Variants in API5 observed in about 807,000 individuals in gnomAD.
API5 encodes the protein FIF.
In API5, 6 loss-of-function variants were observed where a neutral mutation model predicts 71.9. That is an observed-to-expected ratio of 0.08 (90% CI 0.05 to 0.16). The LOEUF (loss-of-function observed/expected upper bound fraction) is 0.16, where lower values mean the gene tolerates loss of function less well. Among genes scored for constraint, API5 ranks in the 10% least tolerant of loss-of-function variants. The pLI, the probability that API5 is intolerant of heterozygous loss-of-function variation, is 1.00. For missense variants in API5, 332 were observed against 612.8 expected, an observed-to-expected ratio of 0.54 and a Z score of 4.84; for synonymous variants, 189 against 221.3, an observed-to-expected ratio of 0.85 and a Z score of 1.30.
At chr11:43,332,091 A>G (rs2134371499) in intron 11 of API5, 1 of 152,358 alleles carries the variant, frequency 6.6e-6, no homozygotes, top group South Asian at 2.1e-4. Context: ...AGTTATCTAA[A>G]GGAAGGTATA....
intron 6 of API5, among the ~76,000 whole-genome samples, chr11:43,324,673 T>C (rs542845890): frequency 9.2e-5 from 14 of 152,002 alleles, no homozygotes; most frequent in South Asian, 8.3e-4. Flanking sequence ...ACAATTCATT[T>C]ATTTATTTAT....
chr11:43,328,737 A>C lies in API5; in HGVS notation c.971A>C (p.Glu324Ala). The C allele has an allele frequency of 6.2e-7, 1 of 1,613,782 alleles. No individual in the cohort carries two copies. Among genetic ancestry groups the C allele is most frequent in the Non-Finnish European group, 8.5e-7 (1 of 1,179,754 alleles). ...GAATACATGCCCCTCCCTCCAGAAGAGGCAGAAAATGGAGAGAATGCTGGT... is the reference window on the plus strand; with the variant it reads ...GAATACATGCCCCTCCCTCCAGAAGCGGCAGAAAATGGAGAGAATGCTGGT... ...LLEYMPLPPE[E>A]AENGENAGNE... Residue 324 changes from glutamate (E) to alanine (A), a missense_variant, in exon 9 of 14, where the codon GAG (glutamate) becomes GCG (alanine). Glu to Ala is a moderately radical substitution (Grantham distance 107). Transcript: ENST00000531273.
At chr11:43,341,377 G>A (rs903588813) in intron 13 of API5, among the ~76,000 whole-genome samples, 3 of 151,974 alleles carry the variant, frequency 2.0e-5, no homozygotes, top group African/African-American at 7.3e-5. Context: ...AACAAGATGT[G>A]GTATTATACA....
intron 2 of API5, among the ~76,000 whole-genome samples, chr11:43,320,093 T>G (rs1590353366): frequency 6.7e-6 from 1 of 149,308 alleles, no homozygotes; most frequent in East Asian, 2.0e-4. Context: ...TTGGCCAGGC[T>G]GGAGTGCGGT....
intron 2 of API5, among the ~76,000 whole-genome samples, chr11:43,320,351 G>C (rs191856666): frequency 3.9e-5 from 6 of 152,152 alleles, no homozygotes; most frequent in Admixed American, 2.6e-4. Flanking sequence ...GCCAATTGGA[G>C]CAAATTCTTT....
Position 43,341,818 on chromosome 11 carries a change from C to T in API5, c.1493-610C>T, listed in dbSNP as rs1052123104. ...CTTTGTATCAAAGTATTCTACCCCA[C>T]GAATATGTAGAATTATTATTCGTGA... On this transcript the variant is annotated intron_variant, in intron 13 of 13. Transcript: ENST00000531273. 6.6e-5 allele frequency among the ~76,000 whole-genome samples: 10 copies of T among 152,230 alleles called. No homozygotes were observed. The South Asian group carries it at 1.9e-3, about 28-fold the overall frequency.
At chr11:43,327,666 CA>C (rs1411897465) in intron 7 of API5, 122 bp from the exon 8 acceptor site, 5 of 678,516 alleles carry the variant, frequency 7.4e-6, no homozygotes, top group African/African-American at 5.5e-5. Context: ...TCTTCCATTT[CA>C]AATGTTATGA....
At chr11:43,340,841 A>G (rs775725584) in intron 13 of API5, among the ~76,000 whole-genome samples, 3 of 152,188 alleles carry the variant, frequency 2.0e-5, no homozygotes, top group Admixed American at 6.5e-5. Context: ...TAAAACTACC[A>G]TAAGAGAAAA....
rs936020518 is a variant in API5 at position 43,342,322 on chromosome 11, T to C, written c.1493-106T>C. On this transcript the variant is annotated intron_variant, in intron 13 of 13. Transcript: ENST00000531273. ...GAATAGCAGAATATTAGTTCTGTTC[T>C]TATAGGGCCTACTGCTGTATTCAGA... 53 of 900,328 alleles carry C rather than the reference T, an allele frequency of 5.9e-5. 1 individual carries two copies. Among genetic ancestry groups the C allele is most frequent in the Non-Finnish European group, 1.4e-5 (8 of 578,362 alleles). The allele number at this position is 900,328 out of a possible 1,614,324, so 55.8% of individuals were successfully genotyped here.
At chr11:43,317,417 T>C (rs1257323415) in intron 1 of API5, among the ~76,000 whole-genome samples, 2 of 152,058 alleles carry the variant, frequency 1.3e-5, no homozygotes, top group African/African-American at 4.8e-5. Context: ...TTTGAGTGTA[T>C]TGTTCCAATA....
chr11:43,331,022 C>A (rs1453354901), intron 11 of API5, among the ~76,000 whole-genome samples: 1 of 152,080 alleles, frequency 6.6e-6, no homozygotes, highest in Admixed American at 6.5e-5. Context: ...ACAAAGTAGC[C>A]ATCACTTGTA....
chr11:43,331,808 T>C (rs1855266710), intron 11 of API5, among the ~76,000 whole-genome samples: 2 of 152,160 alleles, frequency 1.3e-5, no homozygotes, highest in South Asian at 2.1e-4. Context: ...TAGTGCCAAG[T>C]AGAAAACTGA....
rs1479970462 is a variant in API5 at position 43,343,479 on chromosome 11, C to T, written c.*969C>T. On this transcript the variant is annotated 3_prime_UTR_variant, in exon 14 of 14. Transcript: ENST00000531273. ...TGAAATAACAACCAAAATACTGAAT[C>T]TGATGTACATACAGGTTTCTACAGG... is the stretch of plus-strand genomic sequence containing the variant. 6.6e-6 allele frequency: 1 copy of T among 152,546 alleles called. No homozygotes were observed. The allele number at this position is 152,546 out of a possible 1,614,324, so 9.4% of individuals were successfully genotyped here. A position where few individuals can be genotyped will look rare whatever the true frequency, so the allele number is the denominator to read the frequency against.
At chr11:43,326,378 G>T (rs1038257466) in intron 6 of API5, 129 bp from the exon 7 acceptor site, 2 of 614,194 alleles carry the variant, frequency 3.3e-6, no homozygotes, top group South Asian at 2.1e-5. Context: ...GCTGGGGTGT[G>T]CACTATATCG....
intron 13 of API5, among the ~76,000 whole-genome samples, chr11:43,338,833 A>G (rs1035160297): frequency 6.6e-6 from 1 of 152,164 alleles, no homozygotes. Flanking sequence ...AATAGTATCT[A>G]TGACAGTGTT....
In API5 at chr11:43,330,372, A is replaced by G. The variant is rs915554543; in HGVS notation, c.1222-136A>G. On this transcript the variant is annotated intron_variant, in intron 10 of 13. Transcript: ENST00000531273. Reference sequence around the variant, plus strand: ...CAATAGGAATACGCATTATCTATAGATTTAAACCAAGGAATTCTGTAAAGA... The same window carrying G: ...CAATAGGAATACGCATTATCTATAGGTTTAAACCAAGGAATTCTGTAAAGA... The G allele has an allele frequency of 1.1e-5, 8 of 745,762 alleles. No individual in the cohort carries two copies. The African/African-American group carries it at 1.4e-4, about 13-fold the overall frequency. The allele number at this position is 745,762 out of a possible 1,614,324, so 46.2% of individuals were successfully genotyped here.
At chr11:43,327,668 A>C in intron 7 of API5, 121 bp from the exon 8 acceptor site, 1 of 687,786 alleles carries the variant, frequency 1.5e-6, no homozygotes. Context: ...TTCCATTTCA[A>C]ATGTTATGAT....
chr11:43,342,290 G>C (rs977293516), intron 13 of API5, 138 bp from the exon 14 acceptor site: 7 of 693,050 alleles, frequency 1.0e-5, no homozygotes, highest in Non-Finnish European at 1.4e-5. Context: ...GGCTAAATTT[G>C]TAGATTGAAT....
At chr11:43,324,145 G>C (rs1408943363) in intron 6 of API5, among the ~76,000 whole-genome samples, 1 of 152,116 alleles carries the variant, frequency 6.6e-6, no homozygotes, top group Non-Finnish European at 1.5e-5. Context: ...AGCCTCCCAA[G>C]TAGCTGCTAC....
Sources: allele counts gnomAD v4.1 joint callset (sites outside exome capture counted in the v4.1 genomes callset), GRCh38; gene constraint gnomAD v4.1.1; transcripts MANE v1.5; gene names NCBI Gene and HGNC (gene_info 2026-07-23, HGNC 2026-07-21).